RTN3: variants seen among roughly 807,000 people sequenced by gnomAD.
RTN3 encodes the protein reticulon 3, also known as reticulon-3.
In RTN3, 49 loss-of-function variants were observed where a neutral mutation model predicts 77.8. That is an observed-to-expected ratio of 0.63 (90% CI 0.50 to 0.80). The LOEUF (loss-of-function observed/expected upper bound fraction) is 0.80. Among genes scored for constraint, RTN3 ranks in the 30% least tolerant of loss-of-function variants. The pLI, the probability that RTN3 is intolerant of heterozygous loss-of-function variation, is 0.00. For synonymous variants in RTN3, 464 were observed against 446.9 expected, an observed-to-expected ratio of 1.04 and a Z score of -0.48; for missense variants, 1,236 against 1,211.9, an observed-to-expected ratio of 1.02 and a Z score of -0.29.
intron 3 of RTN3, among the ~76,000 whole-genome samples, chr11:63,732,810 A>AT (rs1331105211): frequency 6.6e-6 from 1 of 152,218 alleles, no homozygotes; most frequent in Non-Finnish European, 1.5e-5. Flanking sequence ...ACTAGTATAT[A>AT]TGTCATATAT....
At chr11:63,728,144 T>C (rs2012412260) in intron 3 of RTN3, among the ~76,000 whole-genome samples, 2 of 152,168 alleles carry the variant, frequency 1.3e-5, no homozygotes. Context: ...GATGCAAGCT[T>C]CCAGGTATTG....
At position 63,753,648 on chromosome 11, in the gene RTN3, A is replaced by G; in HGVS notation, c.2948-14A>G. ...TCATATACACTTGCCATGTCCCATGATTCTGTCTTACAGCTGAACTGCTCA... is the reference window on the plus strand; with the variant it reads ...TCATATACACTTGCCATGTCCCATGGTTCTGTCTTACAGCTGAACTGCTCA... On this transcript the variant is annotated splice_polypyrimidine_tract_variant and intron_variant, in intron 6 of 8. Coordinates refer to ENST00000377819, the MANE Select transcript of RTN3 (RefSeq NM_001265589.2). The G allele has an allele frequency of 6.2e-7, 1 of 1,612,358 alleles. No homozygotes were observed. Among genetic ancestry groups the G allele is most frequent in the Non-Finnish European group, 8.5e-7 (1 of 1,178,524 alleles).
chr11:63,719,305 G>T lies in RTN3; in HGVS notation c.803G>T (p.Ser268Ile), dbSNP rs990507362. 6.2e-7 allele frequency: 1 copy of T among 1,614,170 alleles called. No homozygotes were observed. Among genetic ancestry groups the T allele is most frequent in the South Asian group, 1.1e-5 (1 of 91,084 alleles). The change falls in exon 3 of 9, where the codon AGC becomes ATC. Residue 268 changes from serine to isoleucine, a missense_variant. This residue lies in a region of RTN3 where 1,056 missense variants were observed against 990.4 expected (regional missense o/e 1.07). Coordinates refer to ENST00000377819, the MANE Select transcript of RTN3 (RefSeq NM_001265589.2). ...DKEFKDSYKE[S>I]TDDFGSWSVH... Reference sequence around the variant, plus strand: ...GAATTTAAAGACTCATATAAGGAGAGCACAGATGATTTTGGTAGCTGGTCT... The same window carrying T: ...GAATTTAAAGACTCATATAAGGAGATCACAGATGATTTTGGTAGCTGGTCT...
At chr11:63,745,951 C>T (rs2013768885) in intron 3 of RTN3, among the ~76,000 whole-genome samples, 1 of 152,186 alleles carries the variant, frequency 6.6e-6, no homozygotes, top group Admixed American at 6.5e-5. Context: ...GCTGGGAGTA[C>T]AGGCACGCAC....
chr11:63,681,690 C>T lies in RTN3; in HGVS notation c.54C>T (p.Phe18=). ...CCCATTCCATCTCCTCGTCGTCCTT[C>T]GGAGCCGAGCCGTCCGCGCCCGGCG... is the stretch of plus-strand genomic sequence containing the variant. ...TQSHSISSSS[F]GAEPSAPGGG... is the part of the protein sequence containing the mutation. Residue 18 remains phenylalanine (F), a synonymous_variant, in exon 1 of 9, where the codon TTC becomes TTT. Coordinates refer to ENST00000377819, the MANE Select transcript of RTN3 (RefSeq NM_001265589.2). 3.1e-6 allele frequency: 5 copies of T among 1,611,504 alleles called. No homozygotes were observed. Among genetic ancestry groups the T allele is most frequent in the Admixed American group, 1.7e-5 (1 of 59,814 alleles).
chr11:63,726,956 G>C (rs2012327049), intron 3 of RTN3, among the ~76,000 whole-genome samples: 1 of 150,492 alleles, frequency 6.6e-6, no homozygotes, highest in Non-Finnish European at 1.5e-5. Context: ...TCAGGAGGCT[G>C]AAGCAGGTGG....
At position 63,719,443 on chromosome 11, in the gene RTN3, A is replaced by G; in HGVS notation, c.941A>G (p.Gln314Arg). ...CCAATGTCTGCATTGCTCAGTAGGC[A>G]GTTTTCACACACAAATGCAGCACTG... Reference protein sequence around the residue: ...RYPMSALLSRQFSHTNAALEE... With the variant: ...RYPMSALLSRRFSHTNAALEE... Residue 314 changes from glutamine to arginine, a missense_variant, in exon 3 of 9, where the codon CAG becomes CGG. Coordinates refer to ENST00000377819, the MANE Select transcript of RTN3 (RefSeq NM_001265589.2). 1 of 1,614,172 alleles carries G rather than the reference A, an allele frequency of 6.2e-7. No individual in the cohort carries two copies.
chr11:63,750,490 T>A (rs1240455167), intron 4 of RTN3: 1 of 327,834 alleles, frequency 3.1e-6, no homozygotes, highest in Non-Finnish European at 5.7e-6. Flanking sequence ...ATTGCTCTTG[T>A]TGCCCAGGCT....
At position 63,705,977 on chromosome 11, in the gene RTN3, A is replaced by G. The variant is rs141100514; in HGVS notation, c.199+1070A>G. Among the ~76,000 whole-genome samples the G allele has an allele frequency of 7.8e-3, 1,192 of 152,346 alleles. 58 individuals carry two copies. Among genetic ancestry groups the G allele is most frequent in the Admixed American group, 0.071 (1,082 of 15,286 alleles). ...GTCAATTGAGAACCTTTATTTTAAA[A>G]GAGGAAAAAGTAATTAAAATCACTA... On this transcript the variant is annotated intron_variant, in intron 2 of 8. Coordinates refer to ENST00000377819, the MANE Select transcript of RTN3 (RefSeq NM_001265589.2).
At chr11:63,744,642 G>T (rs1424063302) in intron 3 of RTN3, among the ~76,000 whole-genome samples, 1 of 152,098 alleles carries the variant, frequency 6.6e-6, no homozygotes, top group African/African-American at 2.4e-5. Context: ...ATGTCATTTA[G>T]TACATAACTG....
rs1049366368 is a variant in RTN3, at chr11:63,726,992, C to A, written c.2530+5960C>A. On this transcript the variant is annotated intron_variant, in intron 3 of 8. Coordinates refer to ENST00000377819, the MANE Select transcript of RTN3 (RefSeq NM_001265589.2). ...ATCACTTGAGCCCAAGAGTTCAAGG[C>A]CAGCCTGGGCAGCATGGTGAAACCC... Among the ~76,000 whole-genome samples the A allele has an allele frequency of 4.7e-4, 71 of 152,054 alleles. 4 individuals carry two copies. Among genetic ancestry groups the A allele is most frequent in the Non-Finnish European group, 4.4e-5 (3 of 68,020 alleles).
At chr11:63,741,894 T>G (rs955472212) in intron 3 of RTN3, among the ~76,000 whole-genome samples, 2 of 152,192 alleles carry the variant, frequency 1.3e-5, no homozygotes, top group Non-Finnish European at 2.9e-5. Flanking sequence ...ACCAGTACTA[T>G]AGCATCTTGA....
At chr11:63,738,229 T>C (rs1449324300) in intron 3 of RTN3, among the ~76,000 whole-genome samples, 1 of 151,184 alleles carries the variant, frequency 6.6e-6, no homozygotes, top group Non-Finnish European at 1.5e-5. Context: ...AAACATGGCC[T>C]TTTTTTTCCT....
Position 63,740,079 on chromosome 11 carries a change from C to T in RTN3, c.2531-9912C>T, listed in dbSNP as rs1265998112. Among the ~76,000 whole-genome samples the T allele has an allele frequency of 3.3e-5, 5 of 152,166 alleles. No homozygotes were observed. The South Asian group carries it at 8.3e-4, about 25-fold the overall frequency. ...CATGTTGATAACTCCCAAATCTATA[C>T]TCTATGTTGGTCTGGTCTGCCCCAT... On this transcript the variant is annotated intron_variant, in intron 3 of 8. Transcript: ENST00000377819.
intron 3 of RTN3, among the ~76,000 whole-genome samples, chr11:63,739,439 A>G (rs2013331749): frequency 6.6e-6 from 1 of 152,206 alleles, no homozygotes; most frequent in Non-Finnish European, 1.5e-5. Flanking sequence ...TTCTTTCTCT[A>G]TAAGGTTGTG....
intron 7 of RTN3, among the ~76,000 whole-genome samples, chr11:63,754,686 C>A (rs2014273647): frequency 1.2e-5 from 1 of 84,076 alleles, no homozygotes; most frequent in Admixed American, 1.8e-4. Context: ...GATGACAGAG[C>A]AAGACTCCAT....
intron 3 of RTN3, among the ~76,000 whole-genome samples, chr11:63,748,821 C>G (rs762800466): frequency 6.6e-6 from 1 of 152,036 alleles, no homozygotes; most frequent in Non-Finnish European, 1.5e-5. Context: ...GCACATACCA[C>G]CATGCCCAGC....
intron 2 of RTN3, among the ~76,000 whole-genome samples, chr11:63,716,364 C>T (rs2011397023): frequency 6.6e-6 from 1 of 152,100 alleles, no homozygotes; most frequent in African/African-American, 2.4e-5. Flanking sequence ...AAGGTAATCC[C>T]AAAAGAACTT....
Position 63,681,693 on chromosome 11 carries a change from A to C in RTN3, c.57A>C (p.Gly19=), listed in dbSNP as rs561255024. 3.7e-6 allele frequency: 6 copies of C among 1,611,196 alleles called. No individual in the cohort carries two copies. In the East Asian group the frequency reaches 8.9e-5, roughly 24 times the overall value. ...QSHSISSSSF[G]AEPSAPGGGG... ...ATTCCATCTCCTCGTCGTCCTTCGG[A>C]GCCGAGCCGTCCGCGCCCGGCGGCG... The change falls in exon 1 of 9, where the codon GGA becomes GGC. Residue 19 remains glycine (G), a synonymous_variant. Transcript: ENST00000377819.
Sources: gnomAD v4.1 joint callset for allele counts (sites outside exome capture counted in the v4.1 genomes callset) on GRCh38, gnomAD v4.1.1 for gene constraint, gnomAD v4.1.1 regional missense constraint, MANE v1.5 for transcripts, NCBI Gene and HGNC (gene_info 2026-07-23, HGNC 2026-07-21) for gene names.